Variants in SMARCAL1 observed in about 807,000 individuals in gnomAD.
The protein encoded by SMARCAL1 is SNF2 related chromatin remodeling annealing helicase 1, also known as ATP-driven annealing helicase.
SMARCAL1 carries 58 observed loss-of-function variants against 94.5 expected under a neutral mutation model. That is an observed-to-expected ratio of 0.61 (90% CI 0.50 to 0.76). The LOEUF is 0.76. SMARCAL1 is among the 30% of genes least tolerant of loss of function. The pLI, the probability that SMARCAL1 is intolerant of heterozygous loss-of-function variation, is 0.00. For missense variants in SMARCAL1, 1,051 were observed against 1,177.9 expected (o/e 0.89, Z 1.58); for synonymous variants, 422 against 455.1 (o/e 0.93, Z 0.93).
Position 216,416,264 on chromosome 2 carries a change from C to G in SMARCAL1, c.819C>G (p.Asp273Glu), listed in dbSNP as rs745309476. Residue 273 changes from aspartate to glutamate, a missense_variant, in exon 4 of 18, where the codon GAC (aspartate) becomes GAG (glutamate). By Grantham distance (45) the Asp-to-Glu change is conservative. Coordinates refer to ENST00000357276, the MANE Select transcript of SMARCAL1 (RefSeq NM_014140.4). ...KTLPSKNYDP[D>E]TKTWNFSMND... is the part of the protein sequence containing the mutation. ...TCCTCTGTTTTGTTTCAGATCCTGACACCAAGACGTGGAACTTCAGCATGA... is the reference window on the plus strand; with the variant it reads ...TCCTCTGTTTTGTTTCAGATCCTGAGACCAAGACGTGGAACTTCAGCATGA... The G allele has an allele frequency of 6.2e-7, 1 of 1,613,598 alleles. No individual in the cohort carries two copies. Among genetic ancestry groups the G allele is most frequent in the Admixed American group, 1.7e-5 (1 of 60,002 alleles).
intron 12 of SMARCAL1, among the ~76,000 whole-genome samples, chr2:216,454,146 T>C (rs1348392925): frequency 1.3e-5 from 2 of 152,206 alleles, no homozygotes; most frequent in Admixed American, 6.5e-5. Context: ...AAAAACTCCA[T>C]TGGATCTAAT....
At chr2:216,426,280 A>G (rs1430997612) in intron 6 of SMARCAL1, among the ~76,000 whole-genome samples, 1 of 152,258 alleles carries the variant, frequency 6.6e-6, no homozygotes, top group Non-Finnish European at 1.5e-5. Context: ...GGAATGACAA[A>G]AAGCAGGACA....
At chr2:216,476,807 C>T (rs1017775777) in intron 15 of SMARCAL1, among the ~76,000 whole-genome samples, 1 of 152,212 alleles carries the variant, frequency 6.6e-6, no homozygotes, top group African/African-American at 2.4e-5. Context: ...AGAGCCTGTG[C>T]CTCTTCATTT....
At chr2:216,430,243 A>G (rs1056125176) in intron 7 of SMARCAL1, among the ~76,000 whole-genome samples, 1 of 150,582 alleles carries the variant, frequency 6.6e-6, no homozygotes, top group South Asian at 2.1e-4. Context: ...TAGTCTGAAG[A>G]GGTGGGGGTT....
chr2:216,477,697 T>C (rs1232826751), intron 16 of SMARCAL1, among the ~76,000 whole-genome samples: 1 of 152,180 alleles, frequency 6.6e-6, no homozygotes, highest in Non-Finnish European at 1.5e-5. Context: ...AGTAAGATTT[T>C]CAACCCTAGG....
chr2:216,477,092 A>G lies in SMARCAL1; in HGVS notation c.2428-17A>G, dbSNP rs2106088478. Reference sequence around the variant, plus strand: ...CTTCAGGCCTTTACCTGCCTGTCTCAATTCCTGGACACACAGGTGCTGATC... The same window carrying G: ...CTTCAGGCCTTTACCTGCCTGTCTCGATTCCTGGACACACAGGTGCTGATC... On this transcript the variant is annotated splice_polypyrimidine_tract_variant and intron_variant, in intron 15 of 17. Transcript: ENST00000357276. 6.4e-7 allele frequency: 1 copy of G among 1,557,342 alleles called. No individual in the cohort carries two copies. The highest frequency in any genetic ancestry group is 1.9e-5 in the Admixed American group (1 of 51,830).
At chr2:216,420,629 T>G in intron 5 of SMARCAL1, 97 bp downstream of exon 5, 1 of 947,178 alleles carries the variant, frequency 1.1e-6, no homozygotes, top group Non-Finnish European at 1.7e-6. Context: ...AAAAATTACT[T>G]TCTTGGGAAA....
intron 9 of SMARCAL1, among the ~76,000 whole-genome samples, chr2:216,436,980 C>T (rs1694094304): frequency 6.6e-6 from 1 of 152,252 alleles, no homozygotes; most frequent in African/African-American, 2.4e-5. Flanking sequence ...TGGCCCATCA[C>T]TTAACCTGCT....
chr2:216,438,267 T>C (rs1364233995), intron 9 of SMARCAL1, among the ~76,000 whole-genome samples, 153 bp from the exon 10 acceptor site: 1 of 152,226 alleles, frequency 6.6e-6, no homozygotes, highest in Non-Finnish European at 1.5e-5. Flanking sequence ...CCCTGGGTCC[T>C]GACCTAGGCC....
chr2:216,433,595 G>T (rs549867775), intron 8 of SMARCAL1, among the ~76,000 whole-genome samples: 1 of 152,282 alleles, frequency 6.6e-6, no homozygotes, highest in South Asian at 2.1e-4. Flanking sequence ...TCTGTAGAGG[G>T]GGGAGTGAGT....
intron 2 of SMARCAL1, chr2:216,414,439 C>A: frequency 2.3e-6 from 1 of 438,424 alleles, no homozygotes; most frequent in Non-Finnish European, 4.2e-6. Context: ...TTACACCCGA[C>A]CTGCTTTTTG....
intron 4 of SMARCAL1, among the ~76,000 whole-genome samples, chr2:216,418,609 C>T (rs1409377003): frequency 2.0e-5 from 3 of 152,216 alleles, no homozygotes; most frequent in African/African-American, 7.2e-5. Context: ...AACCCTACCA[C>T]ATACTCACTG....
At chr2:216,438,382 A>T in intron 9 of SMARCAL1, 38 bp from the exon 10 acceptor site, 1 of 1,579,684 alleles carries the variant, frequency 6.3e-7, no homozygotes, top group Non-Finnish European at 8.7e-7. Context: ...TCCACTCAGG[A>T]TTGGATCTTG....
chr2:216,449,844 C>CTT (rs200358087), intron 11 of SMARCAL1, among the ~76,000 whole-genome samples: 11 of 146,592 alleles, frequency 7.5e-5, no homozygotes, highest in South Asian at 2.2e-4. Context: ...GTAATGGCTT[C>CTT]TTTTTTTTTT....
chr2:216,467,910 G>T, intron 13 of SMARCAL1, 34 bp from the exon 14 acceptor site: 1 of 1,265,706 alleles, frequency 7.9e-7, no homozygotes. Flanking sequence ...AGGAGTATAT[G>T]TTTAATCTGT....
At chr2:216,476,556 G>T (rs192285246) in intron 15 of SMARCAL1, among the ~76,000 whole-genome samples, 68 of 152,214 alleles carry the variant, frequency 4.5e-4, no homozygotes, top group African/African-American at 1.4e-3. Context: ...CAAGCAATCT[G>T]CCTGCCTCAG....
intron 10 of SMARCAL1, among the ~76,000 whole-genome samples, chr2:216,438,813 C>A (rs1320165749): frequency 1.3e-5 from 2 of 152,088 alleles, no homozygotes; most frequent in African/African-American, 2.4e-5. Context: ...TAAGAGAGAG[C>A]CTCTAGCAGC....
intron 14 of SMARCAL1, among the ~76,000 whole-genome samples, chr2:216,474,081 C>G (rs1483308347): frequency 2.0e-5 from 3 of 150,188 alleles, no homozygotes; most frequent in African/African-American, 7.3e-5. Flanking sequence ...AAGGCCCATT[C>G]CAAAAGGTTA....
chr2:216,440,050 A>G (rs2666301), intron 10 of SMARCAL1, among the ~76,000 whole-genome samples: 1 of 45,764 alleles, frequency 2.2e-5, no homozygotes, highest in Non-Finnish European at 3.5e-5. Flanking sequence ...TCAAAAAAAG[A>G]AAAAAAAAAA....
Sources: allele counts gnomAD v4.1 joint callset (sites outside exome capture counted in the v4.1 genomes callset), GRCh38; gene constraint gnomAD v4.1.1; transcripts MANE v1.5; gene names NCBI Gene and HGNC (gene_info 2026-07-23, HGNC 2026-07-21).